SLC25A21: variants seen among roughly 807,000 people sequenced by gnomAD.
SLC25A21 encodes the protein mitochondrial 2-oxodicarboxylate carrier.
A neutral mutation model predicts 43.8 loss-of-function variants in SLC25A21; 47 were observed. The ratio of observed to expected loss-of-function variants is 1.07; its 90% CI spans 0.85 to 1.37. The LOEUF is 1.37. Ranked by LOEUF, SLC25A21 falls within the 40% of genes most tolerant of loss-of-function variation. SLC25A21 has a pLI of 0.00. For missense variants in SLC25A21, 352 were observed against 350.2 expected (o/e 1.00, Z -0.04); for synonymous variants, 131 against 121.3 (o/e 1.08, Z -0.52).
intron 3 of SLC25A21, among the ~76,000 whole-genome samples, chr14:36,811,826 G>A (rs1031842366): frequency 4.6e-5 from 7 of 152,222 alleles, no homozygotes; most frequent in African/African-American, 1.7e-4. Context: ...ATTAAAAATT[G>A]TAATGTAAAA....
intron 6 of SLC25A21, among the ~76,000 whole-genome samples, chr14:36,714,004 C>T (rs1188304248): frequency 2.0e-5 from 3 of 151,784 alleles, no homozygotes; most frequent in Non-Finnish European, 4.4e-5. Context: ...AAGCAAGACC[C>T]TATCTCAAAA....
At chr14:36,689,039 C>T (rs1013836539) in intron 7 of SLC25A21, among the ~76,000 whole-genome samples, 3 of 152,182 alleles carry the variant, frequency 2.0e-5, no homozygotes, top group Admixed American at 6.5e-5. Context: ...TTTCACGCTG[C>T]TGATAAAGAC....
rs1888367960 is a variant in SLC25A21, at chr14:36,814,076, A to G, written c.120-75T>C. 23 of 945,788 alleles carry G rather than the reference A, an allele frequency of 2.4e-5. 1 individual carries two copies. In the South Asian group the frequency reaches 3.4e-4, roughly 14 times the overall value. 58.6% of individuals were successfully genotyped at this position (945,788 alleles called of 1,614,324 possible). On this transcript the variant is annotated intron_variant, in intron 2 of 9. Transcript: ENST00000331299. ...GGCTTTTCTCATTTTTTAAAGTCTT[A>G]GAAACTCAGCTTTTCAGATTAATCT...
chr14:36,678,283 T>TA lies in SLC25A21; in HGVS notation c.*2374dup, dbSNP rs1268903010. 2 of 581,590 alleles carry TA rather than the reference T, an allele frequency of 3.4e-6. No individual in the cohort carries two copies. Among genetic ancestry groups the TA allele is most frequent in the Non-Finnish European group, 6.1e-6 (2 of 326,614 alleles). 36.0% of individuals were successfully genotyped at this position (581,590 alleles called of 1,614,324 possible). ...CAGATTTCTGACACACAAATTATGT[T>TA]AGAGTGACTGCTTTTTTCAGACAGC... On this transcript the variant is annotated 3_prime_UTR_variant, in exon 10 of 10. Transcript: ENST00000331299.
intron 1 of SLC25A21, among the ~76,000 whole-genome samples, chr14:36,946,486 A>G (rs1257126182): frequency 6.6e-6 from 1 of 152,188 alleles, no homozygotes; most frequent in Admixed American, 6.5e-5. Context: ...TAGCAATAGT[A>G]ATTCCAATGA....
intron 3 of SLC25A21, among the ~76,000 whole-genome samples, chr14:36,753,696 C>G (rs1034615476): frequency 7.9e-5 from 12 of 152,128 alleles, no homozygotes; most frequent in African/African-American, 2.9e-4. Flanking sequence ...TTGACAAAAT[C>G]CACCAGAAGC....
Position 36,720,894 on chromosome 14 carries a change from G to C in SLC25A21, c.438+4676C>G, listed in dbSNP as rs547500774. 2.0e-5 allele frequency among the ~76,000 whole-genome samples: 3 copies of C among 152,152 alleles called. No homozygotes were observed. The East Asian group carries it at 5.8e-4, about 29-fold the overall frequency. The stretch of plus-strand genomic sequence containing the variant: ...GGCACTGTAAGCAGGCTGCCAGTCC[G>C]TAAGCCTTGATAAGGAATTCAGGCT... On this transcript the variant is annotated intron_variant, in intron 6 of 9. Transcript: ENST00000331299.
chr14:37,143,935 T>C (rs944536302), intron 1 of SLC25A21, among the ~76,000 whole-genome samples: 6 of 152,196 alleles, frequency 3.9e-5, no homozygotes, highest in Non-Finnish European at 7.3e-5. Context: ...TCAATGCAGT[T>C]GCTGTTTTCC....
chr14:36,714,487 A>G (rs1884036250), intron 6 of SLC25A21, among the ~76,000 whole-genome samples: 1 of 152,202 alleles, frequency 6.6e-6, no homozygotes, highest in African/African-American at 2.4e-5. Flanking sequence ...CCTCTTCCTT[A>G]TCCCTCAAGG....
At chr14:36,766,439 C>G (rs1314799561) in intron 3 of SLC25A21, among the ~76,000 whole-genome samples, 7 of 152,100 alleles carry the variant, frequency 4.6e-5, no homozygotes, top group Admixed American at 3.9e-4. Flanking sequence ...CAGTATAATC[C>G]TGGTCAGATT....
At chr14:37,009,195 A>C (rs984961403) in intron 1 of SLC25A21, among the ~76,000 whole-genome samples, 1 of 152,154 alleles carries the variant, frequency 6.6e-6, no homozygotes, top group South Asian at 2.1e-4. Context: ...GAAATAACTT[A>C]GATAGCTTAG....
intron 1 of SLC25A21, among the ~76,000 whole-genome samples, chr14:37,131,845 T>A (rs1226901772): frequency 6.6e-6 from 1 of 152,166 alleles, no homozygotes; most frequent in Admixed American, 6.5e-5. Context: ...TGCTAATTTC[T>A]AAAATTTTTG....
rs1208904007 is a variant in SLC25A21, at chr14:36,734,535, A to G, written c.242T>C (p.Leu81Ser). The G allele has an allele frequency of 1.2e-6, 2 of 1,608,264 alleles. No individual in the cohort carries two copies. Among genetic ancestry groups the G allele is most frequent in the Admixed American group, 1.7e-5 (1 of 59,600 alleles). The change falls in exon 4 of 10, where the codon TTG becomes TCG. Residue 81 changes from leucine (L) to serine (S), a missense_variant. Transcript: ENST00000331299. The part of the protein sequence containing the change: ...GFYKGILPPI[L>S]AETPKRAVKF... ...CACTGCTCTTTTTGGGGTTTCAGCC[A>G]AGATAGGTGGCAGAATTCCCTTGTA...
intron 3 of SLC25A21, among the ~76,000 whole-genome samples, chr14:36,744,223 T>C (rs1885396652): frequency 6.6e-6 from 1 of 152,126 alleles, no homozygotes. Flanking sequence ...AGAGCCTAAA[T>C]AGCCAAAGCA....
intron 1 of SLC25A21, among the ~76,000 whole-genome samples, chr14:36,910,757 G>A (rs1295535990): frequency 3.3e-5 from 5 of 152,076 alleles, no homozygotes; most frequent in East Asian, 1.9e-4. Context: ...GGCTTATTTC[G>A]GAATTACAGT....
At chr14:36,729,683 ACTAT>A (rs1191618783) in intron 4 of SLC25A21, 117 bp from the exon 5 acceptor site, 2 of 781,884 alleles carry the variant, frequency 2.6e-6, no homozygotes, top group African/African-American at 3.6e-5. Flanking sequence ...AAAATGATAA[ACTAT>A]CTAATACAGT....
At chr14:37,024,460 A>T (rs988982689) in intron 1 of SLC25A21, among the ~76,000 whole-genome samples, 1 of 151,964 alleles carries the variant, frequency 6.6e-6, no homozygotes, top group Non-Finnish European at 1.5e-5. Flanking sequence ...TTCTTTATAT[A>T]CCAACGTCAG....
intron 1 of SLC25A21, among the ~76,000 whole-genome samples, chr14:37,058,574 C>G (rs1961879158): frequency 6.6e-6 from 1 of 152,140 alleles, no homozygotes. Flanking sequence ...ATGTCTAAGG[C>G]CTTTTCCAAT....
chr14:36,925,158 TA>T (rs139078336), intron 1 of SLC25A21, among the ~76,000 whole-genome samples: 1,985 of 152,218 alleles, frequency 0.013, 37 homozygotes, highest in African/African-American at 0.044. Flanking sequence ...AATGCAAGGA[TA>T]GGGGGAATAG....
Sources: allele counts gnomAD v4.1 joint callset (sites outside exome capture counted in the v4.1 genomes callset), GRCh38; gene constraint gnomAD v4.1.1; transcripts MANE v1.5; gene names NCBI Gene and HGNC (gene_info 2026-07-23, HGNC 2026-07-21).